Variants in CDK7 observed in about 807,000 individuals in gnomAD.
CDK7 encodes cyclin dependent kinase 7.
In CDK7, 25 loss-of-function variants were observed where a neutral mutation model predicts 49.1. The ratio of observed to expected loss-of-function variants is 0.51; its 90% CI spans 0.37 to 0.71. The LOEUF is 0.71. CDK7 is among the 30% of genes least tolerant of loss of function. The pLI is 0.00. For missense variants in CDK7, 316 were observed against 411.7 expected (o/e 0.77, Z 2.01); for synonymous variants, 107 against 140.0 (o/e 0.76, Z 1.67).
chr5:69,274,426 G>C (rs1016674512), intron 10 of CDK7, among the ~76,000 whole-genome samples: 2 of 152,126 alleles, frequency 1.3e-5, no homozygotes, highest in Non-Finnish European at 2.9e-5. Flanking sequence ...CTTGAGCCCA[G>C]GAGTTGGAGC....
At chr5:69,242,492 G>A (rs978632447) in intron 2 of CDK7, among the ~76,000 whole-genome samples, 13 of 152,114 alleles carry the variant, frequency 8.5e-5, no homozygotes, top group African/African-American at 1.4e-4. Flanking sequence ...CCAGTTTTAC[G>A]TTTTACAATA....
chr5:69,276,829 G>A, intron 11 of CDK7, 139 bp downstream of exon 11: 1 of 795,078 alleles, frequency 1.3e-6, no homozygotes, highest in Non-Finnish European at 2.0e-6. Context: ...GTATAAAGTA[G>A]AGAGACTGTG....
At chr5:69,247,664 T>A (rs917751146) in intron 2 of CDK7, among the ~76,000 whole-genome samples, 5 of 152,146 alleles carry the variant, frequency 3.3e-5, no homozygotes, top group Non-Finnish European at 7.3e-5. Flanking sequence ...CTTCTGTCCT[T>A]TCTTCCTGTC....
chr5:69,248,790 C>CTTTTTTTTTTT (rs61331502), intron 2 of CDK7, among the ~76,000 whole-genome samples: 4 of 110,464 alleles, frequency 3.6e-5, no homozygotes, highest in African/African-American at 9.9e-5. Context: ...ACCTTCTTTT[C>CTTTTTTTTTTT]TTTTTTTTTT....
At chr5:69,269,519 A>G (rs1751387514) in intron 9 of CDK7, among the ~76,000 whole-genome samples, 1 of 152,092 alleles carries the variant, frequency 6.6e-6, no homozygotes, top group Admixed American at 6.6e-5. Context: ...AGTAATCCTG[A>G]CCTCAGGGTA....
intron 5 of CDK7, 134 bp downstream of exon 5, chr5:69,255,662 C>T: frequency 1.3e-6 from 1 of 748,374 alleles, no homozygotes; most frequent in South Asian, 1.4e-5. Context: ...TGGATGTACT[C>T]TGAGGCAAAA....
At chr5:69,269,666 A>G (rs779853655) in intron 9 of CDK7, among the ~76,000 whole-genome samples, 2 of 152,072 alleles carry the variant, frequency 1.3e-5, no homozygotes, top group Non-Finnish European at 2.9e-5. Context: ...AAGCCATTAT[A>G]TATATAAAAC....
At chr5:69,262,387 G>A (rs1380028405) in intron 8 of CDK7, 83 bp downstream of exon 8, 40 of 1,582,090 alleles carry the variant, frequency 2.5e-5, no homozygotes. Context: ...TCTTGTCCTA[G>A]GCCAGGCATG....
intron 4 of CDK7, 49 bp from the exon 5 acceptor site, chr5:69,255,411 C>A: frequency 9.4e-7 from 1 of 1,064,706 alleles, no homozygotes; most frequent in Non-Finnish European, 1.4e-6. Context: ...TGCTATGATA[C>A]TGTCAGGTAT....
intron 2 of CDK7, among the ~76,000 whole-genome samples, chr5:69,239,841 A>G (rs188594552): frequency 2.7e-5 from 4 of 150,590 alleles, no homozygotes; most frequent in African/African-American, 9.8e-5. Flanking sequence ...TCCATCAACA[A>G]GTTTTTCCTT....
At chr5:69,259,723 T>TA in intron 6 of CDK7, 95 bp from the exon 7 acceptor site, 2 of 758,168 alleles carry the variant, frequency 2.6e-6, no homozygotes, top group Non-Finnish European at 4.4e-6. Context: ...TGTTACCTTG[T>TA]TTTTGCTAAG....
intron 2 of CDK7, among the ~76,000 whole-genome samples, chr5:69,247,177 A>G (rs139936088): frequency 1.4e-3 from 211 of 152,272 alleles, no homozygotes; most frequent in African/African-American, 4.9e-3. Flanking sequence ...GATCTGTCCA[A>G]TGGTGAAAGT....
At chr5:69,259,376 G>GT (rs1735071528) in intron 6 of CDK7, among the ~76,000 whole-genome samples, 1 of 152,062 alleles carries the variant, frequency 6.6e-6, no homozygotes, top group Non-Finnish European at 1.5e-5. Flanking sequence ...TTCTCATATC[G>GT]TAAGTTTGGA....
chr5:69,246,708 GT>G (rs746391556), intron 2 of CDK7, among the ~76,000 whole-genome samples: 36 of 141,336 alleles, frequency 2.5e-4, no homozygotes, highest in East Asian at 2.1e-4. Context: ...TTTGTTTTTG[GT>G]TTTTTTTTTT....
chr5:69,257,918 T>G, intron 5 of CDK7, 125 bp from the exon 6 acceptor site: 1 of 641,600 alleles, frequency 1.6e-6, no homozygotes, highest in East Asian at 3.0e-5. Flanking sequence ...CTGAGGAAAC[T>G]TAGATAACCT....
chr5:69,262,309 G>C lies in CDK7; in HGVS notation c.627+5G>C. 1 of 1,614,068 alleles carries C rather than the reference G, an allele frequency of 6.2e-7. No homozygotes were observed. Among genetic ancestry groups the C allele is most frequent in the South Asian group, 1.1e-5 (1 of 91,080 alleles). ...TTAGCAGAGTTACTTCTAAGGGTAA[G>C]TCTAAATTAATGTACGCACTTTAAT... On this transcript the variant is annotated splice_donor_5th_base_variant and intron_variant, in intron 8 of 11. Transcript: ENST00000256443.
chr5:69,237,772 G>A (rs938103508), intron 2 of CDK7, among the ~76,000 whole-genome samples: 8 of 152,126 alleles, frequency 5.3e-5, no homozygotes, highest in East Asian at 1.9e-4. Context: ...TCAACATGGC[G>A]AAACCCCTGT....
At chr5:69,254,502 A>G in intron 3 of CDK7, 100 bp from the exon 4 acceptor site, 1 of 620,418 alleles carries the variant, frequency 1.6e-6, no homozygotes, top group Non-Finnish European at 2.9e-6. Context: ...AGCCTGGGCG[A>G]CAGAGCGAGA....
intron 2 of CDK7, among the ~76,000 whole-genome samples, chr5:69,241,338 T>G (rs1186154085): frequency 8.3e-6 from 1 of 120,296 alleles, no homozygotes; most frequent in East Asian, 2.8e-4. Context: ...TTTTTTTTTT[T>G]GAGACGGAGT....
Sources: allele counts gnomAD v4.1 joint callset (sites outside exome capture counted in the v4.1 genomes callset), GRCh38; gene constraint gnomAD v4.1.1; transcripts MANE v1.5; gene names NCBI Gene and HGNC (gene_info 2026-07-23, HGNC 2026-07-21).